Variants in CACNA1C observed in about 807,000 individuals in gnomAD.
The protein encoded by CACNA1C is calcium voltage-gated channel subunit alpha1 C.
In CACNA1C, 30 loss-of-function variants were observed where a neutral mutation model predicts 229.0. That is an observed-to-expected ratio of 0.13 (90% CI 0.10 to 0.18). The LOEUF is 0.18. Ranked by LOEUF, CACNA1C falls within the 10% of genes least tolerant of loss-of-function variation. The probability of loss-of-function intolerance (pLI) is 1.00; values close to 1 mark genes in which losing one functional copy is unlikely to be tolerated. For missense variants in CACNA1C, 1,658 were observed against 2,845.0 expected, an observed-to-expected ratio of 0.58 and a Z score of 9.49; for synonymous variants, 1,114 against 1,132.5, an observed-to-expected ratio of 0.98 and a Z score of 0.33.
intron 3 of CACNA1C, among the ~76,000 whole-genome samples, chr12:2,383,982 G>T (rs767772294): frequency 6.6e-6 from 1 of 152,178 alleles, no homozygotes; most frequent in Non-Finnish European, 1.5e-5. Context: ...CAGATCCTCC[G>T]GGTGCAAGGT....
intron 3 of CACNA1C, among the ~76,000 whole-genome samples, chr12:2,418,385 C>A (rs1240360559): frequency 6.6e-6 from 1 of 152,150 alleles, no homozygotes; most frequent in Admixed American, 6.5e-5. Flanking sequence ...TGACTAACAT[C>A]GAATCTGTCC....
chr12:2,099,390 T>C (rs1247739895), intron 1 of CACNA1C, among the ~76,000 whole-genome samples: 1 of 151,954 alleles, frequency 6.6e-6, no homozygotes, highest in Non-Finnish European at 1.5e-5. Flanking sequence ...AGAGGTGTGC[T>C]GAGTTCTTAT....
chr12:2,454,532 T>C (rs1454807436), intron 4 of CACNA1C, among the ~76,000 whole-genome samples: 1 of 152,154 alleles, frequency 6.6e-6, no homozygotes, highest in Non-Finnish European at 1.5e-5. Flanking sequence ...GCATTTATGC[T>C]CAGCATTCTT....
At chr12:2,274,578 C>T (rs1240476456) in intron 3 of CACNA1C, among the ~76,000 whole-genome samples, 5 of 152,210 alleles carry the variant, frequency 3.3e-5, no homozygotes, top group East Asian at 3.8e-4. Flanking sequence ...GGCTTCCCGA[C>T]GTGCACGGTT....
intron 3 of CACNA1C, among the ~76,000 whole-genome samples, chr12:2,391,227 G>A (rs771311967): frequency 2.6e-5 from 4 of 152,200 alleles, no homozygotes; most frequent in Admixed American, 6.5e-5. Flanking sequence ...GCATGTTTGG[G>A]TGTTTGTGGT....
chr12:2,223,142 A>G (rs1442373781), intron 3 of CACNA1C, among the ~76,000 whole-genome samples: 1 of 152,216 alleles, frequency 6.6e-6, no homozygotes, highest in Non-Finnish European at 1.5e-5. Context: ...CAAGACTCAT[A>G]GCATACTGGA....
At chr12:2,125,042 C>T (rs912414268) in intron 3 of CACNA1C, among the ~76,000 whole-genome samples, 24 of 152,024 alleles carry the variant, frequency 1.6e-4, no homozygotes, top group Non-Finnish European at 3.2e-4. Flanking sequence ...TAGCAGTGAC[C>T]ACAGCCAGAC....
chr12:2,599,664 C>T (rs1249446901), intron 21 of CACNA1C, among the ~76,000 whole-genome samples: 1 of 152,098 alleles, frequency 6.6e-6, no homozygotes. Flanking sequence ...AGCAAGGGCC[C>T]CTTCCCAAGT....
intron 1 of CACNA1C, among the ~76,000 whole-genome samples, chr12:2,001,279 G>C (rs908967335): frequency 3.9e-5 from 6 of 152,076 alleles, no homozygotes; most frequent in African/African-American, 1.4e-4. Flanking sequence ...GCTAAAACAA[G>C]ATTAGATGTT....
chr12:2,179,154 A>G (rs2154277822), intron 3 of CACNA1C, among the ~76,000 whole-genome samples: 1 of 152,340 alleles, frequency 6.6e-6, no homozygotes, highest in South Asian at 2.1e-4. Flanking sequence ...TATTTAATGG[A>G]TAAACAGGCA....
intron 3 of CACNA1C, among the ~76,000 whole-genome samples, chr12:2,154,506 G>A (rs979833931): frequency 2.6e-5 from 4 of 152,174 alleles, no homozygotes; most frequent in Non-Finnish European, 2.9e-5. Context: ...CTCCTCACCC[G>A]GGGCCAGCAG....
At chr12:2,011,795 A>T (rs532757063) in intron 1 of CACNA1C, among the ~76,000 whole-genome samples, 12 of 152,208 alleles carry the variant, frequency 7.9e-5, no homozygotes, top group Non-Finnish European at 1.5e-4. Flanking sequence ...TGCTCGAAGG[A>T]AAGCTGTTGT....
At chr12:2,164,288 T>G (rs1376580245) in intron 3 of CACNA1C, among the ~76,000 whole-genome samples, 1 of 152,180 alleles carries the variant, frequency 6.6e-6, no homozygotes, top group African/African-American at 2.4e-5. Context: ...CTGTGCTGGG[T>G]ACACATGAAG....
chr12:2,198,908 A>G (rs183955526), intron 3 of CACNA1C, among the ~76,000 whole-genome samples: 1 of 152,276 alleles, frequency 6.6e-6, no homozygotes, highest in East Asian at 1.9e-4. Flanking sequence ...TTTATTATCG[A>G]CAGATCTTTT....
At chr12:2,039,785 G>A (rs1386673910) in intron 1 of CACNA1C, among the ~76,000 whole-genome samples, 4 of 152,122 alleles carry the variant, frequency 2.6e-5, no homozygotes, top group Non-Finnish European at 5.9e-5. Flanking sequence ...GAGGGGAGAA[G>A]GAATAAGGGA....
At chr12:2,268,398 G>A (rs1011733264) in intron 3 of CACNA1C, among the ~76,000 whole-genome samples, 2 of 152,192 alleles carry the variant, frequency 1.3e-5, no homozygotes, top group Admixed American at 6.5e-5. Flanking sequence ...CCAAGGCCTG[G>A]GCCAGCTGCT....
intron 3 of CACNA1C, among the ~76,000 whole-genome samples, chr12:2,296,353 A>T (rs1024343880): frequency 5.3e-5 from 8 of 152,210 alleles, no homozygotes; most frequent in Admixed American, 3.3e-4. Flanking sequence ...GGCCTTGCAG[A>T]TCCAAAAGAC....
intron 1 of CACNA1C, among the ~76,000 whole-genome samples, chr12:2,025,950 T>C (rs1396197640): frequency 6.6e-6 from 1 of 152,174 alleles, no homozygotes; most frequent in Non-Finnish European, 1.5e-5. Flanking sequence ...GGGAAGACAT[T>C]TACTGGAAAC....
intron 3 of CACNA1C, among the ~76,000 whole-genome samples, chr12:2,336,101 T>C (rs115983662): frequency 0.011 from 1,634 of 151,912 alleles, 36 homozygotes; most frequent in African/African-American, 0.038. Context: ...TAAGCCACAT[T>C]GATTCCCAAG....
Sources: gnomAD v4.1 joint callset for allele counts (sites outside exome capture counted in the v4.1 genomes callset) on GRCh38, gnomAD v4.1.1 for gene constraint, MANE v1.5 for transcripts, NCBI Gene and HGNC (gene_info 2026-07-23, HGNC 2026-07-21) for gene names.